Variants in DLAT observed in about 807,000 individuals in gnomAD.
DLAT encodes the protein dihydrolipoamide S-acetyltransferase.
A neutral mutation model predicts 68.0 loss-of-function variants in DLAT; 43 were observed. That is an observed-to-expected ratio of 0.63 (90% CI 0.50 to 0.81). DLAT has a LOEUF of 0.81. DLAT is among the 40% of genes least tolerant of loss of function. The pLI is 0.00. For missense variants in DLAT, 745 were observed against 815.4 expected, an observed-to-expected ratio of 0.91 and a Z score of 1.05; for synonymous variants, 265 against 288.6, an observed-to-expected ratio of 0.92 and a Z score of 0.83.
chr11:112,059,689 G>A lies in DLAT; in HGVS notation c.1515-214G>A, dbSNP rs536625. On this transcript the variant is annotated intron_variant, in intron 11 of 13. Transcript: ENST00000280346. ...ATTACAGGCATGAGCCACCGTTCCCGGACCTCTCTTTGATTTTTAATAACT... is the reference window on the plus strand; with the variant it reads ...ATTACAGGCATGAGCCACCGTTCCCAGACCTCTCTTTGATTTTTAATAACT... 0.064 allele frequency among the ~76,000 whole-genome samples: 9,711 copies of A among 152,090 alleles called. 1,058 individuals carry two copies. Among genetic ancestry groups the A allele is most frequent in the African/African-American group, 0.22 (9,094 of 41,464 alleles).
At chr11:112,040,665 T>C (rs1555180952) in intron 7 of DLAT, among the ~76,000 whole-genome samples, 2 of 152,186 alleles carry the variant, frequency 1.3e-5, no homozygotes, top group Non-Finnish European at 2.9e-5. Context: ...GAGATTCTTG[T>C]AATATTGGAA....
At chr11:112,032,003 C>T in intron 4 of DLAT, among the ~76,000 whole-genome samples, 1 of 142,884 alleles carries the variant, frequency 7.0e-6, no homozygotes, top group East Asian at 2.2e-4. Context: ...GCCTCAGCCT[C>T]CTGAGTAGCT....
rs191233200 is a variant in DLAT at position 112,050,390 on chromosome 11, G to A, written c.1399-844G>A. On this transcript the variant is annotated intron_variant, in intron 10 of 13. Transcript: ENST00000280346. ...CAGGCTAATCCCGGCCTTACAGAAT[G>A]TGTGGGGAAGTGTTTCTTGCTCTTC... 1.0e-3 allele frequency among the ~76,000 whole-genome samples: 153 copies of A among 151,690 alleles called. 2 individuals are homozygous for A. Among genetic ancestry groups the A allele is most frequent in the Admixed American group, 1.7e-3 (26 of 15,240 alleles).
rs478941 is a variant in DLAT at position 112,033,271 on chromosome 11, T to C, written c.661-133T>C. ...TACCTGGTGGGAAGCTATTGAGGTG[T>C]GAAGCTTTTGCTGTGGTGAGTATTT... On this transcript the variant is annotated intron_variant, in intron 4 of 13. Transcript: ENST00000280346. 0.42 allele frequency: 460,955 copies of C among 1,106,694 alleles called. 102,208 individuals carry two copies. Among genetic ancestry groups the C allele is most frequent in the African/African-American group, 0.78 (50,774 of 64,884 alleles). The allele number at this position is 1,106,694 out of a possible 1,614,324, so 68.6% of individuals were successfully genotyped here.
At chr11:112,027,002 C>G (rs1470085375) in intron 2 of DLAT, among the ~76,000 whole-genome samples, 1 of 151,576 alleles carries the variant, frequency 6.6e-6, no homozygotes, top group African/African-American at 2.4e-5. Flanking sequence ...CTGGCCCCAC[C>G]ACCTCCCTCC....
Position 112,025,651 on chromosome 11 carries a change from G to A in DLAT, c.179G>A (p.Gly60Asp), listed in dbSNP as rs1555179136. 1 of 1,613,296 alleles carries A rather than the reference G, an allele frequency of 6.2e-7. No homozygotes were observed. The highest frequency in any genetic ancestry group is 8.5e-7 in the Non-Finnish European group (1 of 1,179,970). ...TATGGCGGGGTCCGGGCACTGTGCG[G>A]CTGGACCCCCAGTTCTGGGGCCACG... ...TGYGGVRALC[G>D]WTPSSGATPR... is the part of the protein sequence containing the mutation. Residue 60 changes from glycine (G) to aspartate (D), a missense_variant, in exon 1 of 14, where the codon GGC becomes GAC. Coordinates refer to ENST00000280346, the MANE Select transcript of DLAT (RefSeq NM_001931.5).
At position 112,050,719 on chromosome 11, in the gene DLAT, C is replaced by T. The variant is rs150967287; in HGVS notation, c.1399-515C>T. ...TTTAGAAATTCTAGTCTTCTCTCCT[C>T]TTCTTGGTCAGTCTAACTAAACATT... On this transcript the variant is annotated intron_variant, in intron 10 of 13. Coordinates refer to ENST00000280346, the MANE Select transcript of DLAT (RefSeq NM_001931.5). Among the ~76,000 whole-genome samples the T allele has an allele frequency of 2.0e-5, 3 of 152,332 alleles. No individual in the cohort carries two copies. In the South Asian group the frequency reaches 6.2e-4, roughly 32 times the overall value.
At chr11:112,052,927 A>G (rs1863743892) in intron 11 of DLAT, among the ~76,000 whole-genome samples, 2 of 152,240 alleles carry the variant, frequency 1.3e-5, no homozygotes, top group East Asian at 3.9e-4. Context: ...TAAATAACAA[A>G]ACATACTCCT....
chr11:112,061,023 T>C lies in DLAT; in HGVS notation c.1678-15T>C, dbSNP rs1250694720. 2 of 1,538,050 alleles carry C rather than the reference T, an allele frequency of 1.3e-6. No homozygotes were observed. Among genetic ancestry groups the C allele is most frequent in the African/African-American group, 2.8e-5 (2 of 72,558 alleles). ...TTGACAAACTATAATTTATTTTTAATTTTTTTTCCTCTAGGGTGGCACTTT... is the reference window on the plus strand; with the variant it reads ...TTGACAAACTATAATTTATTTTTAACTTTTTTTCCTCTAGGGTGGCACTTT... On this transcript the variant is annotated splice_polypyrimidine_tract_variant and intron_variant, in intron 12 of 13. Transcript: ENST00000280346.
At chr11:112,030,119 A>G (rs587752353) in intron 4 of DLAT, 1 of 753,340 alleles carries the variant, frequency 1.3e-6, no homozygotes, top group East Asian at 3.6e-5. Flanking sequence ...CTCCAGTACC[A>G]TCTCCATTAA....
intron 11 of DLAT, among the ~76,000 whole-genome samples, chr11:112,053,011 A>G (rs1335092321): frequency 6.6e-6 from 1 of 152,112 alleles, no homozygotes; most frequent in East Asian, 1.9e-4. Context: ...CCAAGTATAT[A>G]TTATACCACA....
At chr11:112,038,625 G>A (rs879970540) in intron 6 of DLAT, among the ~76,000 whole-genome samples, 8 of 151,050 alleles carry the variant, frequency 5.3e-5, no homozygotes, top group South Asian at 2.1e-4. Flanking sequence ...CAGGTGGATC[G>A]CTTGAGGTCA....
In DLAT at chr11:112,063,894, A is replaced by T. The variant is rs1199946225; in HGVS notation, c.*1359A>T. 9.6e-6 allele frequency: 3 copies of T among 311,306 alleles called. No individual in the cohort carries two copies. Among genetic ancestry groups the T allele is most frequent in the African/African-American group, 4.3e-5 (2 of 46,796 alleles). The allele number at this position is 311,306 out of a possible 1,614,324, so 19.3% of individuals were successfully genotyped here. On this transcript the variant is annotated 3_prime_UTR_variant, in exon 14 of 14. Transcript: ENST00000280346. ...ATGACTACTTAAAATGAATCTGACC[A>T]GTGCTTCCTGGTATATGTAATATGT...
chr11:112,039,007 G>C (rs1862916269), intron 6 of DLAT, among the ~76,000 whole-genome samples: 1 of 152,104 alleles, frequency 6.6e-6, no homozygotes, highest in Non-Finnish European at 1.5e-5. Context: ...GCTTCATGTT[G>C]TTATGGAATA....
In DLAT at chr11:112,062,440, A is replaced by G; in HGVS notation, c.1849A>G (p.Ser617Gly). 6.2e-7 allele frequency: 1 copy of G among 1,612,692 alleles called. No individual in the cohort carries two copies. The highest frequency in any genetic ancestry group is 2.2e-5 in the East Asian group (1 of 44,880). ...DVASMMSVTL[S>G]CDHRVVDGAV... ...GGCTAGCATGATGTCTGTTACACTC[A>G]GTTGTGATCACCGGGTGGTGGATGG... The change falls in exon 14 of 14, where the codon AGT becomes GGT. Residue 617 changes from serine to glycine, a missense_variant. Coordinates refer to ENST00000280346, the MANE Select transcript of DLAT (RefSeq NM_001931.5).
rs1864742363 is a variant in DLAT at position 112,063,186 on chromosome 11, CTAAATA to C, written c.*656_*661del. ...GTTATTCCCCCCTACTTGAGATAAT[CTAAATA>C]TAAACCAGCTACTTGATGTAACTGA... On this transcript the variant is annotated 3_prime_UTR_variant, in exon 14 of 14. Transcript: ENST00000280346. 1 of 152,200 alleles carries C rather than the reference CTAAATA, an allele frequency of 6.6e-6. No individual in the cohort carries two copies. The highest frequency in any genetic ancestry group is 2.4e-5 in the African/African-American group (1 of 41,410). The allele number at this position is 152,200 out of a possible 1,614,324, so 9.4% of individuals were successfully genotyped here.
intron 8 of DLAT, among the ~76,000 whole-genome samples, chr11:112,044,768 C>T (rs1456745964): frequency 1.3e-5 from 2 of 152,106 alleles, no homozygotes; most frequent in Non-Finnish European, 2.9e-5. Context: ...CATGGTGGCT[C>T]ATGCTTGTAA....
chr11:112,047,360 A>G (rs1863374607), intron 10 of DLAT, among the ~76,000 whole-genome samples: 3 of 152,134 alleles, frequency 2.0e-5, no homozygotes, highest in African/African-American at 7.2e-5. Flanking sequence ...GATTCTGGAT[A>G]TTAGCCCTTT....
rs79311245 is a variant in DLAT, at chr11:112,043,125, T to G, written c.1130-341T>G. Among the ~76,000 whole-genome samples the G allele has an allele frequency of 8.6e-3, 1,311 of 152,336 alleles. 17 individuals carry two copies. Among genetic ancestry groups the G allele is most frequent in the African/African-American group, 0.03 (1,252 of 41,568 alleles). ...ATATAAACTGTGCTCGGCATTATCCTTATGCCACATTTCCCAATTTAAAAG... is the reference window on the plus strand; with the variant it reads ...ATATAAACTGTGCTCGGCATTATCCGTATGCCACATTTCCCAATTTAAAAG... On this transcript the variant is annotated intron_variant, in intron 7 of 13. Coordinates refer to ENST00000280346, the MANE Select transcript of DLAT (RefSeq NM_001931.5).
Sources: gnomAD v4.1 joint callset for allele counts (sites outside exome capture counted in the v4.1 genomes callset) on GRCh38, gnomAD v4.1.1 for gene constraint, MANE v1.5 for transcripts, NCBI Gene and HGNC (gene_info 2026-07-23, HGNC 2026-07-21) for gene names.